PEAK1: variants seen among roughly 807,000 people sequenced by gnomAD.
PEAK1 encodes pseudopodium enriched atypical kinase 1.
A neutral mutation model predicts 124.7 loss-of-function variants in PEAK1; 54 were observed. That is an observed-to-expected ratio of 0.43 (90% CI 0.35 to 0.54). PEAK1 has a LOEUF of 0.54. Ranked by LOEUF, PEAK1 falls within the 20% of genes least tolerant of loss-of-function variation. The pLI, the probability that PEAK1 is intolerant of heterozygous loss-of-function variation, is 0.01. For missense variants in PEAK1, 2,046 were observed against 2,134.5 expected (o/e 0.96, Z 0.82); for synonymous variants, 719 against 760.0 (o/e 0.95, Z 0.89).
chr15:77,132,626 C>A (rs1019945666), intron 9 of PEAK1, among the ~76,000 whole-genome samples: 1 of 144,392 alleles, frequency 6.9e-6, no homozygotes, highest in African/African-American at 2.6e-5. Flanking sequence ...ACCTGGGAGG[C>A]GGAGGTTGCA....
chr15:77,239,368 T>C (rs955016748), intron 6 of PEAK1, among the ~76,000 whole-genome samples: 9 of 152,172 alleles, frequency 5.9e-5, no homozygotes, highest in African/African-American at 1.9e-4. Context: ...ACTGGTACAG[T>C]AGCAGAAAAA....
chr15:77,420,684 A>G, upstream of PEAK1: 1 of 394,112 alleles, frequency 2.5e-6, no homozygotes, highest in East Asian at 3.6e-5. Context: ...ACCTTGCGTA[A>G]CCACGTAGTC....
chr15:77,232,656 T>C (rs1016335541), intron 6 of PEAK1, among the ~76,000 whole-genome samples: 5 of 152,238 alleles, frequency 3.3e-5, no homozygotes, highest in African/African-American at 1.2e-4. Flanking sequence ...GAAGTGTTAA[T>C]GTTCTTCTTT....
At chr15:77,337,370 C>CA in intron 2 of PEAK1, 12 of 949,552 alleles carry the variant, frequency 1.3e-5, no homozygotes, top group African/African-American at 1.8e-5. Flanking sequence ...TTTTAAAAAT[C>CA]AAGAAATAAT....
In PEAK1 at chr15:77,184,173, T is replaced by C. The variant is rs901716145; in HGVS notation, c.-114-2133A>G. ...ATTTAAACAATATAAAAATTGTAAATATAATTTACAATATTTATAATATTG... is the reference window on the plus strand; with the variant it reads ...ATTTAAACAATATAAAAATTGTAAACATAATTTACAATATTTATAATATTG... On this transcript the variant is annotated intron_variant, in intron 6 of 9. Transcript: ENST00000682557. Among the ~76,000 whole-genome samples, 8 of 151,844 alleles carry C rather than the reference T, an allele frequency of 5.3e-5. No homozygotes were observed. The South Asian group carries it at 1.7e-3, about 31-fold the overall frequency.
chr15:77,381,581 AT>A, intron 1 of PEAK1: 1 of 532,186 alleles, frequency 1.9e-6, no homozygotes, highest in Non-Finnish European at 2.4e-6. Flanking sequence ...GCATAGAGTC[AT>A]TTTTATCCAT....
chr15:77,224,902 GCACCTTT>G (rs2059560835), intron 6 of PEAK1, among the ~76,000 whole-genome samples: 1 of 151,716 alleles, frequency 6.6e-6, no homozygotes, highest in Admixed American at 6.6e-5. Context: ...TTCCACAGCT[GCACCTTT>G]CACGTCTAGT....
intron 6 of PEAK1, among the ~76,000 whole-genome samples, chr15:77,202,895 G>T (rs1365971604): frequency 1.3e-5 from 2 of 151,950 alleles, no homozygotes; most frequent in African/African-American, 4.8e-5. Flanking sequence ...AAATTACCTG[G>T]GTGTGGCAGT....
In PEAK1 at chr15:77,200,938, T is replaced by C. The variant is rs143070051; in HGVS notation, c.-114-18898A>G. On this transcript the variant is annotated intron_variant, in intron 6 of 9. Transcript: ENST00000682557. Reference sequence around the variant, plus strand: ...GGTAGTACATATACATATAGACTCATACTTTACCATAACTTACCTCTGGAG... The same window carrying C: ...GGTAGTACATATACATATAGACTCACACTTTACCATAACTTACCTCTGGAG... Among the ~76,000 whole-genome samples, 761 of 152,156 alleles carry C rather than the reference T, an allele frequency of 5.0e-3. 5 individuals carry two copies. Among genetic ancestry groups the C allele is most frequent in the African/African-American group, 0.017 (708 of 41,528 alleles).
rs201627499 is a variant in PEAK1, at chr15:77,114,359, C to T, written c.5038G>A (p.Ala1680Thr). ...TTCCTCTGTACTAGGCTAGGGCAGG[C>T]GGTGAAAGTCTGGAAGAGATCTTCG... ...PREDLFQTFT[A>T]CPSLVQRNTL... Residue 1680 changes from alanine (A) to threonine (T), a missense_variant, in exon 10 of 10, where the codon GCC becomes ACC. Transcript: ENST00000682557. The T allele has an allele frequency of 2.2e-5, 36 of 1,614,118 alleles. No homozygotes were observed. Among genetic ancestry groups the T allele is most frequent in the East Asian group, 1.8e-4 (8 of 44,874 alleles).
At chr15:77,324,317 T>C (rs1417346700) in intron 2 of PEAK1, among the ~76,000 whole-genome samples, 1 of 151,944 alleles carries the variant, frequency 6.6e-6, no homozygotes, top group Non-Finnish European at 1.5e-5. Flanking sequence ...CCATCTCTAC[T>C]AAAAATACAA....
rs1171400182 is a variant in PEAK1 at position 77,292,378 on chromosome 15, C to T, written c.-602-5874G>A. ...ATAACTCATGATTGAGAGAAGCTTA[C>T]TTAACATACATATTTCTTGCATAGA... is the stretch of plus-strand genomic sequence containing the variant. On this transcript the variant is annotated intron_variant, in intron 2 of 9. Coordinates refer to ENST00000682557, the MANE Select transcript of PEAK1 (RefSeq NM_001385026.1). 1.3e-5 allele frequency among the ~76,000 whole-genome samples: 2 copies of T among 152,052 alleles called. 1 individual carries two copies. Among genetic ancestry groups the T allele is most frequent in the East Asian group, 3.8e-4 (2 of 5,196 alleles).
chr15:77,336,023 C>T (rs935407019), intron 2 of PEAK1: 133 of 985,234 alleles, frequency 1.3e-4, no homozygotes, highest in Non-Finnish European at 1.5e-4. Flanking sequence ...CCAGGTATCT[C>T]TGTGTCTTAA....
intron 7 of PEAK1, among the ~76,000 whole-genome samples, chr15:77,177,397 A>C (rs1282233994): frequency 1.3e-5 from 2 of 152,228 alleles, no homozygotes; most frequent in African/African-American, 4.8e-5. Context: ...CATGGATTTA[A>C]GGAAAACAGA....
intron 2 of PEAK1, among the ~76,000 whole-genome samples, chr15:77,360,159 G>A (rs1443333029): frequency 4.6e-5 from 7 of 152,124 alleles, no homozygotes; most frequent in Non-Finnish European, 5.9e-5. Flanking sequence ...AAGATAATCC[G>A]ATAGTCAGAG....
At chr15:77,288,774 C>CA (rs1486750116) in intron 2 of PEAK1, among the ~76,000 whole-genome samples, 1 of 151,870 alleles carries the variant, frequency 6.6e-6, no homozygotes, top group East Asian at 1.9e-4. Context: ...ACTAAAAAGA[C>CA]AAAAATTAGC....
intron 6 of PEAK1, among the ~76,000 whole-genome samples, chr15:77,220,400 C>T (rs2059333001): frequency 6.6e-6 from 1 of 151,482 alleles, no homozygotes; most frequent in South Asian, 2.1e-4. Context: ...CAATACATCC[C>T]TTTTATCAAC....
At chr15:77,290,025 G>A (rs951734744) in intron 2 of PEAK1, among the ~76,000 whole-genome samples, 1 of 152,094 alleles carries the variant, frequency 6.6e-6, no homozygotes, top group Non-Finnish European at 1.5e-5. Flanking sequence ...CTGAAGTGCA[G>A]TGGCATGATT....
intron 1 of PEAK1, among the ~76,000 whole-genome samples, chr15:77,368,655 G>T (rs965044829): frequency 7.9e-5 from 12 of 152,104 alleles, no homozygotes; most frequent in African/African-American, 2.9e-4. Context: ...TAAGCAAAGA[G>T]CAAGAAGTGT....
Sources: allele counts gnomAD v4.1 joint callset (sites outside exome capture counted in the v4.1 genomes callset), GRCh38; gene constraint gnomAD v4.1.1; transcripts MANE v1.5; gene names NCBI Gene and HGNC (gene_info 2026-07-23, HGNC 2026-07-21).